SMARCA2: variants seen among roughly 807,000 people sequenced by gnomAD.
SMARCA2 encodes the protein SWI/SNF-related matrix-associated actin-dependent regulator of chromatin subfamily A member 2.
SMARCA2 carries 61 observed loss-of-function variants against 199.8 expected under a neutral mutation model. The ratio of observed to expected loss-of-function variants is 0.31; its 90% CI spans 0.25 to 0.38. SMARCA2 has a LOEUF of 0.38. Ranked by LOEUF, SMARCA2 falls within the 10% of genes least tolerant of loss-of-function variation. SMARCA2 has a pLI of 1.00. For synonymous variants in SMARCA2, 935 were observed against 732.0 expected (o/e 1.28, Z -4.48); for missense variants, 1,344 against 2,012.2 (o/e 0.67, Z 6.35).
At position 2,069,179 on chromosome 9, in the gene SMARCA2, G is replaced by A. The variant is rs1036705623; in HGVS notation, c.1693-1239G>A. On this transcript the variant is annotated intron_variant, in intron 9 of 33. Coordinates refer to ENST00000349721, the MANE Select transcript of SMARCA2 (RefSeq NM_003070.5). ...GATCTGCCCGCCTCGGCCTCTCAAA[G>A]TGCTGGGATTACAGGCCTGAGCCAC... The A allele has an allele frequency of 5.3e-5, 8 of 151,910 alleles. No homozygotes were observed. In the East Asian group the frequency reaches 1.4e-3, roughly 26 times the overall value. 9.4% of individuals were successfully genotyped at this position (151,910 alleles called of 1,614,324 possible). A position where few individuals can be genotyped will look rare whatever the true frequency, so the allele number is the denominator to read the frequency against.
intron 27 of SMARCA2, chr9:2,159,615 A>G: frequency 3.7e-6 from 2 of 546,370 alleles, no homozygotes; most frequent in Non-Finnish European, 6.1e-6. Context: ...GCCTGGAATA[A>G]TAAGGGGAAA....
intron 29 of SMARCA2, among the ~76,000 whole-genome samples, chr9:2,172,820 A>AG (rs531934280): frequency 2.5e-3 from 388 of 152,264 alleles, no homozygotes; most frequent in Middle Eastern, 6.8e-3. Context: ...CAGGGAGCCG[A>AG]CATCAGCCCT....
chr9:2,150,001 T>A (rs950854513), intron 27 of SMARCA2, among the ~76,000 whole-genome samples: 1 of 151,518 alleles, frequency 6.6e-6, no homozygotes, highest in Non-Finnish European at 1.5e-5. Context: ...CTACTGACAC[T>A]CTAATAATAT....
chr9:2,096,624 G>A (rs780655993), intron 19 of SMARCA2, 33 bp from the exon 20 acceptor site: 2 of 1,418,110 alleles, frequency 1.4e-6, no homozygotes, highest in Non-Finnish European at 2.0e-6. Flanking sequence ...TCTCCTTCCT[G>A]CTCTTGCCTA....
chr9:2,161,710 G>A lies in SMARCA2; in HGVS notation c.4006G>A (p.Glu1336Lys). 6.2e-7 allele frequency: 1 copy of A among 1,613,864 alleles called. No homozygotes were observed. The highest frequency in any genetic ancestry group is 8.5e-7 in the Non-Finnish European group (1 of 1,179,868). The change falls in exon 28 of 34, where the codon GAA becomes AAA. Residue 1336 changes from glutamate (E) to lysine (K), a missense_variant. Physicochemically the swap from Glu to Lys is moderately conservative, Grantham distance 56 (BLOSUM62 1). Coordinates refer to ENST00000349721, the MANE Select transcript of SMARCA2 (RefSeq NM_003070.5). The surrounding 1 kb of genome is among the most constrained non-coding windows in gnomAD (Gnocchi z 4.7). Reference protein sequence around the residue: ...LRAIEDGNLEEMEEEVRLKKR... With the variant: ...LRAIEDGNLEKMEEEVRLKKR... The stretch of plus-strand genomic sequence containing the variant: ...GGCCATCGAAGACGGCAATTTGGAG[G>A]AAATGGAAGAGGAAGTACGGCTTAA...
intron 2 of SMARCA2, among the ~76,000 whole-genome samples, chr9:2,031,959 A>G (rs1819091574): frequency 6.6e-6 from 1 of 152,126 alleles, no homozygotes; most frequent in African/African-American, 2.4e-5. Flanking sequence ...TTTCCTCTCT[A>G]TTATTACTAT....
chr9:2,161,944 G>C lies in SMARCA2; in HGVS notation c.4199+41G>C, dbSNP rs113592390. The C allele has an allele frequency of 3.4e-4, 517 of 1,534,914 alleles. 2 individuals carry two copies. In the African/African-American group the frequency reaches 6.0e-3, roughly 18 times the overall value. On this transcript the variant is annotated intron_variant, in intron 28 of 33. Transcript: ENST00000349721. The surrounding 1 kb of genome is among the most constrained non-coding windows in gnomAD (Gnocchi z 4.7). The stretch of plus-strand genomic sequence containing the variant: ...CTTCACCTTGATCATCTCTCACCAA[G>C]ACGCCGAGTGGCGCTCCCTGAGGAG...
At chr9:2,178,090 A>AT (rs1481238534) in intron 29 of SMARCA2, among the ~76,000 whole-genome samples, 4 of 1,950 alleles carry the variant, frequency 2.1e-3, no homozygotes, top group Non-Finnish European at 3.9e-3. Context: ...TAAGCCATGC[A>AT]TACAAGGAGT....
intron 27 of SMARCA2, among the ~76,000 whole-genome samples, chr9:2,131,410 G>T (rs139030041): frequency 6.6e-6 from 1 of 152,104 alleles, no homozygotes; most frequent in African/African-American, 2.4e-5. Flanking sequence ...TGTGCAGTTG[G>T]GCCCCAGTAA....
At chr9:2,191,187 T>C in intron 32 of SMARCA2, 79 bp from the exon 33 acceptor site, 2 of 1,350,426 alleles carry the variant, frequency 1.5e-6, no homozygotes, top group Non-Finnish European at 2.1e-6. Flanking sequence ...TGTCTGTAGG[T>C]TGGTGATAGT....
chr9:2,096,459 C>A, intron 19 of SMARCA2, 198 bp from the exon 20 acceptor site: 1 of 482,098 alleles, frequency 2.1e-6, no homozygotes, highest in Non-Finnish European at 3.7e-6. Flanking sequence ...CAGAAGGCCC[C>A]CCCATCATAA....
chr9:2,061,056 G>C lies in SMARCA2; in HGVS notation c.1692+70G>C. ...GGGATAAGTTTTTAAGGCGAGTATT[G>C]CTCTTTAAGTACTACTTCTTACACT... is the stretch of plus-strand genomic sequence containing the variant. On this transcript the variant is annotated intron_variant, in intron 9 of 33. Coordinates refer to ENST00000349721, the MANE Select transcript of SMARCA2 (RefSeq NM_003070.5). 2.8e-6 allele frequency: 4 copies of C among 1,411,164 alleles called. No homozygotes were observed. The South Asian group carries it at 5.1e-5, about 18-fold the overall frequency. 87.4% of individuals were successfully genotyped at this position (1,411,164 alleles called of 1,614,324 possible). A position where few individuals can be genotyped will look rare whatever the true frequency, so the allele number is the denominator to read the frequency against.
intron 19 of SMARCA2, among the ~76,000 whole-genome samples, chr9:2,091,495 G>A (rs1209323803): frequency 2.6e-5 from 4 of 152,092 alleles, no homozygotes; most frequent in African/African-American, 4.8e-5. Flanking sequence ...TGGATGCAGC[G>A]CAGTTTGTTT....
Position 2,054,640 on chromosome 9 carries a change from C to T in SMARCA2, c.1090C>T (p.Leu364=), listed in dbSNP as rs763966056. The change falls in exon 6 of 34, where the codon CTG becomes TTG. Residue 364 remains leucine (L), a synonymous_variant. Transcript: ENST00000349721. ...IAHRIQELEN[L]PGSLPPDLRT... ...TCATAGGATACAAGAACTGGAAAAT[C>T]TGCCTGGCTCTTTGCCACCAGATTT... The T allele has an allele frequency of 3.7e-6, 6 of 1,614,086 alleles. No homozygotes were observed. The highest frequency in any genetic ancestry group is 4.2e-6 in the Non-Finnish European group (5 of 1,179,978).
rs1819627766 is a variant in SMARCA2, at chr9:2,042,022, C to T, written c.790+2122C>T. 4 of 152,264 alleles carry T rather than the reference C, an allele frequency of 2.6e-5. No individual in the cohort carries two copies. In the South Asian group the frequency reaches 8.3e-4, roughly 32 times the overall value. The allele number at this position is 152,264 out of a possible 1,614,324, so 9.4% of individuals were successfully genotyped here. On this transcript the variant is annotated intron_variant, in intron 4 of 33. Transcript: ENST00000349721. ...GTTCTTAACCACTTTCCCATACTGG[C>T]TCCTTCATGGCAAAAAGGCTCATGA...
intron 4 of SMARCA2, chr9:2,045,742 A>T (rs576432165): frequency 6.6e-6 from 1 of 151,916 alleles, no homozygotes; most frequent in East Asian, 1.9e-4. Context: ...AAATTACCTG[A>T]AGAAGAAATC....
chr9:2,059,282 A>G (rs1165649467), intron 8 of SMARCA2, among the ~76,000 whole-genome samples: 1 of 152,180 alleles, frequency 6.6e-6, no homozygotes, highest in Non-Finnish European at 1.5e-5. Flanking sequence ...ATGTTCCTGG[A>G]AAATTCTAAG....
intron 15 of SMARCA2, among the ~76,000 whole-genome samples, chr9:2,083,007 G>A (rs78430560): frequency 0.015 from 2,249 of 152,038 alleles, 57 homozygotes; most frequent in African/African-American, 0.052. Flanking sequence ...TCTTTTTTCT[G>A]AACCTATATG....
At position 2,058,272 on chromosome 9, in the gene SMARCA2, C is replaced by G. The variant is rs1820442408; in HGVS notation, c.1348-19C>G. 4 of 1,609,874 alleles carry G rather than the reference C, an allele frequency of 2.5e-6. No homozygotes were observed. The African/African-American group carries it at 4.0e-5, about 16-fold the overall frequency. Reference sequence around the variant, plus strand: ...ATTGGATTTTAAGTATCCTTTTCTTCCCTTTTTGGATCTTCTAGGAATACC... The same window carrying G: ...ATTGGATTTTAAGTATCCTTTTCTTGCCTTTTTGGATCTTCTAGGAATACC... On this transcript the variant is annotated intron_variant, in intron 7 of 33. Coordinates refer to ENST00000349721, the MANE Select transcript of SMARCA2 (RefSeq NM_003070.5).
Sources: allele counts gnomAD v4.1 joint callset (sites outside exome capture counted in the v4.1 genomes callset), GRCh38; gene constraint gnomAD v4.1.1; non-coding constraint Gnocchi (gnomAD v3.1); transcripts MANE v1.5; gene names NCBI Gene and HGNC (gene_info 2026-07-23, HGNC 2026-07-21).